The following WWOX variants were observed in gnomAD, a reference collection of about 807,000 sequenced individuals.
WWOX encodes the protein WW domain containing oxidoreductase.
Under a neutral mutation model 46.2 loss-of-function variants are expected in WWOX, and 69 were observed. The observed-to-expected ratio is 1.49, with a 90% CI of 1.23 to 1.82. WWOX has a LOEUF of 1.82. Ranked by LOEUF, WWOX falls within the 40% of genes most tolerant of loss-of-function variation. The pLI is 0.00. For synonymous variants in WWOX, 359 were observed against 202.6 expected, an observed-to-expected ratio of 1.77 and a Z score of -6.56; for missense variants, 919 against 542.6, an observed-to-expected ratio of 1.69 and a Z score of -6.89.
intron 5 of WWOX, among the ~76,000 whole-genome samples, chr16:78,324,767 G>C (rs1267810343): frequency 7.7e-6 from 1 of 129,632 alleles, no homozygotes; most frequent in African/African-American, 2.8e-5. Flanking sequence ...GATGAGTGAT[G>C]ACTCAGGGCT....
At chr16:79,064,357 G>A (rs2048405800) in intron 8 of WWOX, among the ~76,000 whole-genome samples, 1 of 152,230 alleles carries the variant, frequency 6.6e-6, no homozygotes, top group Non-Finnish European at 1.5e-5. Context: ...GTAAGTTTCA[G>A]TTTCCTTATC....
intron 8 of WWOX, among the ~76,000 whole-genome samples, chr16:79,189,210 C>G (rs1203681841): frequency 2.6e-5 from 4 of 151,972 alleles, no homozygotes; most frequent in Admixed American, 6.6e-5. Context: ...GAAAAATTGC[C>G]TGAGCATTTG....
intron 8 of WWOX, among the ~76,000 whole-genome samples, chr16:78,692,781 G>A (rs1364285862): frequency 1.3e-5 from 2 of 152,192 alleles, no homozygotes; most frequent in African/African-American, 2.4e-5. Flanking sequence ...CCTGTTGGGG[G>A]TACTGATACC....
At chr16:78,619,575 A>T (rs957990791) in intron 8 of WWOX, among the ~76,000 whole-genome samples, 1 of 151,782 alleles carries the variant, frequency 6.6e-6, no homozygotes, top group African/African-American at 2.4e-5. Context: ...CAATTTGTTA[A>T]ATACAGAAGT....
rs1032638834 is a variant in WWOX at position 78,261,344 on chromosome 16, A to G, written c.516+97055A>G. The stretch of plus-strand genomic sequence containing the variant: ...TTAGGTAAGAGGATACTTTTAATGT[A>G]TGGTAAGCTATGATTGCACCACTGC... On this transcript the variant is annotated intron_variant, in intron 5 of 8. Transcript: ENST00000566780. 6.0e-5 allele frequency among the ~76,000 whole-genome samples: 9 copies of G among 151,080 alleles called. 1 individual carries two copies. In the East Asian group the frequency reaches 1.2e-3, roughly 19 times the overall value.
intron 8 of WWOX, among the ~76,000 whole-genome samples, chr16:78,540,199 A>G (rs998191051): frequency 6.6e-6 from 1 of 152,070 alleles, no homozygotes; most frequent in Non-Finnish European, 1.5e-5. Flanking sequence ...TGGTAACAAT[A>G]GAATCTTGAT....
intron 2 of WWOX, 52 bp from the exon 3 acceptor site, chr16:78,109,726 A>G: frequency 1.9e-6 from 3 of 1,602,048 alleles, no homozygotes; most frequent in Non-Finnish European, 2.6e-6. Flanking sequence ...TGACCCAGGG[A>G]TGGTCTTTAC....
At chr16:79,024,204 A>G (rs1454137042) in intron 8 of WWOX, among the ~76,000 whole-genome samples, 2 of 152,134 alleles carry the variant, frequency 1.3e-5, no homozygotes, top group African/African-American at 4.8e-5. Flanking sequence ...CCTTGTAAAT[A>G]TACTAAAAAC....
chr16:78,417,040 G>GGGGGGTGTGTGTGTGTGTGT (rs58277331), intron 6 of WWOX, among the ~76,000 whole-genome samples: 3 of 151,264 alleles, frequency 2.0e-5, no homozygotes, highest in African/African-American at 7.3e-5. Flanking sequence ...ACCCTTTGGG[G>GGGGGGTGTGTGTGTGTGTGT]GTGTGTGTGT....
At chr16:78,260,558 C>G (rs1366711977) in intron 5 of WWOX, among the ~76,000 whole-genome samples, 1 of 151,192 alleles carries the variant, frequency 6.6e-6, no homozygotes, top group East Asian at 1.9e-4. Context: ...ATCCCACCTA[C>G]TTGGGAGGCT....
intron 8 of WWOX, among the ~76,000 whole-genome samples, chr16:78,667,667 T>C (rs1434828727): frequency 1.1e-5 from 1 of 94,448 alleles, no homozygotes; most frequent in Non-Finnish European, 1.8e-5. Flanking sequence ...TGAGACTCCG[T>C]CTCAAAAAAA....
intron 8 of WWOX, among the ~76,000 whole-genome samples, chr16:78,932,300 G>A (rs12924818): frequency 0.18 from 27,887 of 152,150 alleles, 2,633 homozygotes; most frequent in South Asian, 0.26. Context: ...AGTGCTTCTT[G>A]TACTGACCAG....
intron 8 of WWOX, chr16:79,202,914 A>C (rs954756265): frequency 6.6e-6 from 1 of 152,244 alleles, no homozygotes; most frequent in Admixed American, 6.5e-5. Context: ...TAATATTTGC[A>C]TGATAGAATG....
chr16:78,756,378 G>T (rs977707426), intron 8 of WWOX, among the ~76,000 whole-genome samples: 1 of 152,164 alleles, frequency 6.6e-6, no homozygotes, highest in Non-Finnish European at 1.5e-5. Flanking sequence ...AGGCGGTTGA[G>T]ATAGGACAGA....
At chr16:78,830,646 C>T (rs1194161423) in intron 8 of WWOX, among the ~76,000 whole-genome samples, 2 of 151,792 alleles carry the variant, frequency 1.3e-5, no homozygotes, top group Admixed American at 1.3e-4. Context: ...CTCTATTTTC[C>T]TAACAAAATT....
At chr16:78,153,433 C>G (rs978225102) in intron 4 of WWOX, among the ~76,000 whole-genome samples, 3 of 152,142 alleles carry the variant, frequency 2.0e-5, no homozygotes, top group Admixed American at 2.0e-4. Context: ...AATACAAAAA[C>G]AGTCCCCACA....
At chr16:78,446,096 G>T (rs1322955571) in intron 8 of WWOX, among the ~76,000 whole-genome samples, 5 of 152,160 alleles carry the variant, frequency 3.3e-5, no homozygotes, top group Admixed American at 6.5e-5. Context: ...TAATGGTATT[G>T]ATGTGTTTTT....
At position 79,111,408 on chromosome 16, in the gene WWOX, A is replaced by T. The variant is rs996930748; in HGVS notation, c.1057-100200A>T. On this transcript the variant is annotated intron_variant, in intron 8 of 8. Coordinates refer to ENST00000566780, the MANE Select transcript of WWOX (RefSeq NM_016373.4). ...TTCCTTTTTCTGGGGTCTTTTGCCTAATCGTTTACTGGTTTGGAGACACTG... is the reference window on the plus strand; with the variant it reads ...TTCCTTTTTCTGGGGTCTTTTGCCTTATCGTTTACTGGTTTGGAGACACTG... Among the ~76,000 whole-genome samples, 32 of 152,304 alleles carry T rather than the reference A, an allele frequency of 2.1e-4. 1 individual carries two copies. The highest frequency in any genetic ancestry group is 1.6e-3 in the Admixed American group (25 of 15,296).
intron 8 of WWOX, among the ~76,000 whole-genome samples, chr16:79,041,396 A>C (rs1426962529): frequency 6.6e-6 from 1 of 152,124 alleles, no homozygotes; most frequent in Non-Finnish European, 1.5e-5. Flanking sequence ...TAAGGATTCC[A>C]CCCACCACGC....
Sources: gnomAD v4.1 joint callset for allele counts (sites outside exome capture counted in the v4.1 genomes callset) on GRCh38, gnomAD v4.1.1 for gene constraint, MANE v1.5 for transcripts, NCBI Gene and HGNC (gene_info 2026-07-23, HGNC 2026-07-21) for gene names.